ZNF639: variants seen among roughly 807,000 people sequenced by gnomAD.
The protein encoded by ZNF639 is zinc finger protein 639.
In ZNF639, 20 loss-of-function variants were observed where a neutral mutation model predicts 39.8. That is an observed-to-expected ratio of 0.50 (90% confidence interval 0.35 to 0.73). The LOEUF (loss-of-function observed/expected upper bound fraction) is 0.73, where lower values mean the gene tolerates loss of function less well. Among genes scored for constraint, ZNF639 ranks in the 30% least tolerant of loss-of-function variants. The probability of loss-of-function intolerance (pLI) is 0.00; values close to 1 mark genes in which losing one functional copy is unlikely to be tolerated. For synonymous variants in ZNF639, 176 were observed against 189.8 expected (o/e 0.93, Z 0.60); for missense variants, 477 against 566.2 (o/e 0.84, Z 1.60).
intron 4 of ZNF639, among the ~76,000 whole-genome samples, chr3:179,331,621 C>A (rs1727913117): frequency 6.6e-6 from 1 of 151,690 alleles, no homozygotes; most frequent in Admixed American, 6.6e-5. Context: ...ACTAAAAATA[C>A]AAAATTAGCT....
intron 1 of ZNF639, chr3:179,325,468 T>C (rs900330578): frequency 1.3e-5 from 2 of 152,274 alleles, no homozygotes; most frequent in African/African-American, 2.4e-5. Flanking sequence ...CTCCCACTTA[T>C]TAGTTGACTT....
rs150620339 is a variant in ZNF639 at position 179,335,918 on chromosome 3, G to A, written c.*1496G>A. The stretch of plus-strand genomic sequence containing the variant: ...TGATTCTGCTGCCTCAGCTTCCCAA[G>A]TAGCTGGGGTTAACAGGCGTCAGCC... On this transcript the variant is annotated 3_prime_UTR_variant, in exon 6 of 6. Coordinates refer to ENST00000496856, the MANE Select transcript of ZNF639 (RefSeq NM_001303426.2). 1 of 152,056 alleles carries A rather than the reference G, an allele frequency of 6.6e-6. No individual in the cohort carries two copies. Among genetic ancestry groups the A allele is most frequent in the Non-Finnish European group, 1.5e-5 (1 of 68,056 alleles). 9.4% of individuals were successfully genotyped at this position (152,056 alleles called of 1,614,324 possible). A position where few individuals can be genotyped will look rare whatever the true frequency, so the allele number is the denominator to read the frequency against.
In ZNF639 at chr3:179,333,318, A is replaced by G. The variant is rs764289072; in HGVS notation, c.354A>G (p.Glu118=). 1 of 1,613,304 alleles carries G rather than the reference A, an allele frequency of 6.2e-7. No homozygotes were observed. Among genetic ancestry groups the G allele is most frequent in the Non-Finnish European group, 8.5e-7 (1 of 1,179,734 alleles). The change falls in exon 6 of 6, where the codon GAA becomes GAG. Residue 118 remains glutamate, a synonymous_variant. Transcript: ENST00000496856. Reference sequence around the variant, plus strand: ...GTGATGAAGAGTGTGACTCACCTGAATCAGTCAACCAGCAAACCCAAGAGG... The same window carrying G: ...GTGATGAAGAGTGTGACTCACCTGAGTCAGTCAACCAGCAAACCCAAGAGG... ...VICDEECDSP[E]SVNQQTQEES...
At position 179,334,465 on chromosome 3, in the gene ZNF639, T is replaced by C. The variant is rs1728107306; in HGVS notation, c.*43T>C. On this transcript the variant is annotated 3_prime_UTR_variant, in exon 6 of 6. Coordinates refer to ENST00000496856, the MANE Select transcript of ZNF639 (RefSeq NM_001303426.2). ...CAGAATGTTAGTTTAAAATAATAAA[T>C]TCATCCTTTTTTTGGAGATGATTAA... 4.2e-6 allele frequency: 6 copies of C among 1,414,240 alleles called. No individual in the cohort carries two copies. The highest frequency in any genetic ancestry group is 5.6e-6 in the Non-Finnish European group (6 of 1,067,112). The allele number at this position is 1,414,240 out of a possible 1,614,324, so 87.6% of individuals were successfully genotyped here.
chr3:179,329,566 C>T, intron 3 of ZNF639, 52 bp from the exon 4 acceptor site: 1 of 1,014,976 alleles, frequency 9.9e-7, no homozygotes, highest in Non-Finnish European at 1.5e-6. Context: ...GGAAGTTTCT[C>T]ATTAAATATG....
chr3:179,327,243 T>C (rs1175397637), intron 1 of ZNF639, among the ~76,000 whole-genome samples: 13 of 152,142 alleles, frequency 8.5e-5, no homozygotes, highest in Admixed American at 7.2e-4. Flanking sequence ...GCTTTCCTTA[T>C]GGATGAATAA....
At chr3:179,331,290 A>G (rs1727890512) in intron 4 of ZNF639, among the ~76,000 whole-genome samples, 1 of 152,206 alleles carries the variant, frequency 6.6e-6, no homozygotes, top group South Asian at 2.1e-4. Flanking sequence ...TATTAAATAG[A>G]GGAGATGAGG....
At chr3:179,330,679 C>A (rs1727856496) in intron 4 of ZNF639, among the ~76,000 whole-genome samples, 1 of 152,114 alleles carries the variant, frequency 6.6e-6, no homozygotes, top group African/African-American at 2.4e-5. Flanking sequence ...TAGTGTTAGA[C>A]ACAGTTCTAC....
Position 179,323,232 on chromosome 3 carries a change from C to T in ZNF639, c.-142C>T. ...AAGGACCGCGCGGCCCCTCCGCCTG[C>T]GCTCTCGGCCGCCGCCGCCTCTGCG... On this transcript the variant is annotated 5_prime_UTR_variant, in exon 1 of 6. Coordinates refer to ENST00000496856, the MANE Select transcript of ZNF639 (RefSeq NM_001303426.2). 1.0e-6 allele frequency: 1 copy of T among 985,228 alleles called. No homozygotes were observed. The highest frequency in any genetic ancestry group is 1.2e-6 in the Non-Finnish European group (1 of 830,016). 61.0% of individuals were successfully genotyped at this position (985,228 alleles called of 1,614,324 possible).
intron 4 of ZNF639, among the ~76,000 whole-genome samples, chr3:179,331,799 C>T (rs896210302): frequency 8.1e-5 from 10 of 123,834 alleles, no homozygotes; most frequent in Admixed American, 5.8e-4. Flanking sequence ...AAAAAAAAGA[C>T]AACTTTATAG....
chr3:179,333,885 TTTCCAGGAGCACAG>T lies in ZNF639; in HGVS notation c.922_935del (p.Phe308LeufsTer2), dbSNP rs1431401697. 1 of 1,614,192 alleles carries T rather than the reference TTTCCAGGAGCACAG, an allele frequency of 6.2e-7. No homozygotes were observed. The highest frequency in any genetic ancestry group is 1.1e-5 in the South Asian group (1 of 91,086). On this transcript the variant is annotated frameshift_variant, in exon 6 of 6. Coordinates refer to ENST00000496856, the MANE Select transcript of ZNF639 (RefSeq NM_001303426.2). LOFTEE classifies it high-confidence loss of function. ...CCTCAAGCAGTGAACTCTACCTACA[TTTCCAGGAGCACAG>T]CTGTGATGAACAGTACTTGTGTCAG...
chr3:179,324,704 A>G (rs1244654062), intron 1 of ZNF639, among the ~76,000 whole-genome samples: 1 of 152,212 alleles, frequency 6.6e-6, no homozygotes, highest in Non-Finnish European at 1.5e-5. Flanking sequence ...CTCACCTAAC[A>G]GCCTGAATCC....
At chr3:179,329,837 G>C (rs1727803513) in intron 4 of ZNF639, 109 bp downstream of exon 4, 1 of 473,870 alleles carries the variant, frequency 2.1e-6, no homozygotes, top group South Asian at 4.2e-5. Flanking sequence ...AAACAGACAA[G>C]TCTTTGAAAT....
chr3:179,330,385 G>A (rs2108501134), intron 4 of ZNF639, among the ~76,000 whole-genome samples: 1 of 152,220 alleles, frequency 6.6e-6, no homozygotes, highest in South Asian at 2.1e-4. Flanking sequence ...TTGAGCTAAA[G>A]CAATCCTCCC....
At position 179,333,626 on chromosome 3, in the gene ZNF639, A is replaced by G; in HGVS notation, c.662A>G (p.Gln221Arg). 6.2e-7 allele frequency: 1 copy of G among 1,614,208 alleles called. No individual in the cohort carries two copies. The highest frequency in any genetic ancestry group is 8.5e-7 in the Non-Finnish European group (1 of 1,180,040). Residue 221 changes from glutamine to arginine, a missense_variant, in exon 6 of 6, where the codon CAG becomes CGG. Transcript: ENST00000496856. ...FNSKYFSDLKQHMILKHKRTD... is the reference protein window; with the variant it reads ...FNSKYFSDLKRHMILKHKRTD... ...AGCAAATATTTTTCTGACTTAAAGC[A>G]GCATATGATCCTGAAGCATAAACGT...
chr3:179,324,646 C>T (rs987404183), intron 1 of ZNF639, among the ~76,000 whole-genome samples: 1 of 152,200 alleles, frequency 6.6e-6, no homozygotes, highest in African/African-American at 2.4e-5. Context: ...GGTTATCGTT[C>T]GGCCCTAAGT....
At chr3:179,324,187 C>T (rs7610174) in intron 1 of ZNF639, among the ~76,000 whole-genome samples, 39,211 of 152,088 alleles carry the variant, frequency 0.26, 6,190 homozygotes, top group Admixed American at 0.38. Flanking sequence ...CGTCTTACAG[C>T]AATTAGGAAG....
In ZNF639 at chr3:179,323,159, G is replaced by T; in HGVS notation, c.-215G>T. 1 of 984,590 alleles carries T rather than the reference G, an allele frequency of 1.0e-6. No individual in the cohort carries two copies. Among genetic ancestry groups the T allele is most frequent in the Non-Finnish European group, 1.2e-6 (1 of 829,690 alleles). 61.0% of individuals were successfully genotyped at this position (984,590 alleles called of 1,614,324 possible). A position where few individuals can be genotyped will look rare whatever the true frequency, so the allele number is the denominator to read the frequency against. ...AGGGGTCGGCCCAGCACAGCGTCCG[G>T]GAGCGCTAGGGCCGGAGCAGCGCTG... On this transcript the variant is annotated 5_prime_UTR_variant, in exon 1 of 6. Transcript: ENST00000496856.
chr3:179,323,439 G>T, intron 1 of ZNF639, 148 bp downstream of exon 1: 10 of 961,948 alleles, frequency 1.0e-5, no homozygotes, highest in Non-Finnish European at 1.2e-5. Context: ...GCGGGATGGC[G>T]TTCCCCTCCC....
Sources: gnomAD v4.1 joint callset for allele counts (sites outside exome capture counted in the v4.1 genomes callset) on GRCh38, gnomAD v4.1.1 for gene constraint, MANE v1.5 for transcripts, NCBI Gene and HGNC (gene_info 2026-07-23, HGNC 2026-07-21) for gene names.